The following ECI2 variants were observed in gnomAD, a reference collection of about 807,000 sequenced individuals.
The protein encoded by ECI2 is D3,D2-enoyl-CoA isomerase.
In ECI2, 27 loss-of-function variants were observed where a neutral mutation model predicts 38.4. The observed-to-expected ratio is 0.70, with a 90% confidence interval of 0.52 to 0.97. The LOEUF (loss-of-function observed/expected upper bound fraction) is 0.97, where lower values mean the gene tolerates loss of function less well. Ranked by LOEUF, ECI2 falls within the 50% of genes least tolerant of loss-of-function variation. The pLI is 0.00. For missense variants in ECI2, 470 were observed against 474.4 expected (o/e 0.99, Z 0.09); for synonymous variants, 168 against 172.0 (o/e 0.98, Z 0.18).
chr6:4,119,437 C>T (rs1772530488), intron 7 of ECI2, among the ~76,000 whole-genome samples, 162 bp from the exon 8 acceptor site: 1 of 152,016 alleles, frequency 6.6e-6, no homozygotes, highest in African/African-American at 2.4e-5. Flanking sequence ...TCTCCTGCCT[C>T]AGCCTCCACA....
chr6:4,125,570 G>T, intron 6 of ECI2, 200 bp from the exon 7 acceptor site: 1 of 697,760 alleles, frequency 1.4e-6, no homozygotes, highest in Non-Finnish European at 2.3e-6. Flanking sequence ...AATGGCAGTG[G>T]ATGGAAGACC....
intron 2 of ECI2, among the ~76,000 whole-genome samples, chr6:4,132,942 T>C (rs1773563500): frequency 6.6e-6 from 1 of 152,158 alleles, no homozygotes; most frequent in Non-Finnish European, 1.5e-5. Context: ...TTTTGAGTTT[T>C]TAGTAGAGAT....
At chr6:4,116,776 A>G (rs1269019264) in intron 9 of ECI2, among the ~76,000 whole-genome samples, 1 of 152,134 alleles carries the variant, frequency 6.6e-6, no homozygotes, top group African/African-American at 2.4e-5. Flanking sequence ...TGCATGTGTA[A>G]TATAAGACAG....
chr6:4,119,175 C>G lies in ECI2; in HGVS notation c.885+11G>C. ...TCATAAAATTTTATATTTAAACATT[C>G]CAAAAGTTACCTTGGCTGGGCTCAT... On this transcript the variant is annotated intron_variant, in intron 8 of 9. Transcript: ENST00000380118. 8 of 1,606,456 alleles carry G rather than the reference C, an allele frequency of 5.0e-6. No homozygotes were observed. Among genetic ancestry groups the G allele is most frequent in the Non-Finnish European group, 6.8e-6 (8 of 1,176,042 alleles).
At chr6:4,134,795 A>C (rs1773649215) in intron 1 of ECI2, among the ~76,000 whole-genome samples, 2 of 152,254 alleles carry the variant, frequency 1.3e-5, no homozygotes. Context: ...CAGAAAGCCG[A>C]AATGTACAAG....
chr6:4,133,807 AT>A lies in ECI2; in HGVS notation c.51-97del, dbSNP rs111705365. 8.0e-3 allele frequency: 10,954 copies of A among 1,375,418 alleles called. 714 individuals are homozygous for A. The African/African-American group carries it at 0.14, about 18-fold the overall frequency. The allele number at this position is 1,375,418 out of a possible 1,614,324, so 85.2% of individuals were successfully genotyped here. A position where few individuals can be genotyped will look rare whatever the true frequency, so the allele number is the denominator to read the frequency against. ...CCCAGCCTATACATAACAAAATGCC[AT>A]GTTTGTCTATAGATATTTTCTTTAT... is the stretch of plus-strand genomic sequence containing the variant. On this transcript the variant is annotated intron_variant, in intron 1 of 9. Coordinates refer to ENST00000380118, the MANE Select transcript of ECI2 (RefSeq NM_206836.3).
At position 4,126,170 on chromosome 6, in the gene ECI2, T is replaced by C; in HGVS notation, c.639A>G (p.Val213=). The C allele has an allele frequency of 1.9e-6, 3 of 1,614,016 alleles. No individual in the cohort carries two copies. Among genetic ancestry groups the C allele is most frequent in the Non-Finnish European group, 2.5e-6 (3 of 1,179,980 alleles). The stretch of plus-strand genomic sequence containing the variant: ...CGGCATTATTTTTAGCTTTCTCCTC[T>C]ACTCCACCAGGGGGAATATCAGTGA... ...TNFTDIPPGG[V]EEKAKNNAVL... is the part of the protein sequence containing the mutation. The change falls in exon 6 of 10, where the codon GTA becomes GTG. Residue 213 remains valine, a synonymous_variant. Coordinates refer to ENST00000380118, the MANE Select transcript of ECI2 (RefSeq NM_206836.3).
rs777308211 is a variant in ECI2 at position 4,133,639 on chromosome 6, C to T, written c.123G>A (p.Lys41=). Residue 41 remains lysine (K), a synonymous_variant, in exon 2 of 10, where the codon AAG becomes AAA. Transcript: ENST00000380118. The stretch of plus-strand genomic sequence containing the variant: ...CTTGATTCATTGAATTTTCAAAGTC[C>T]TTCTGACTGGCTCTCATTGCTGTTC... ...MNRTAMRASQ[K]DFENSMNQVK... 7 of 1,613,938 alleles carry T rather than the reference C, an allele frequency of 4.3e-6. No homozygotes were observed. Among genetic ancestry groups the T allele is most frequent in the Middle Eastern group, 1.7e-4 (1 of 6,060 alleles).
intron 2 of ECI2, 170 bp from the exon 3 acceptor site, chr6:4,131,035 A>G (rs1206809602): frequency 7.5e-6 from 4 of 530,478 alleles, no homozygotes; most frequent in Non-Finnish European, 9.8e-6. Context: ...TGTTGCCAAA[A>G]ATGCACAAAC....
chr6:4,127,004 T>G (rs1338476262), intron 5 of ECI2, among the ~76,000 whole-genome samples: 1 of 152,222 alleles, frequency 6.6e-6, no homozygotes, highest in Non-Finnish European at 1.5e-5. Context: ...AATCACTTTC[T>G]GACTTCAATT....
rs202185765 is a variant in ECI2, at chr6:4,125,356, C to G, written c.689G>C (p.Cys230Ser). 6.2e-7 allele frequency: 1 copy of G among 1,614,142 alleles called. No individual in the cohort carries two copies. Residue 230 changes from cysteine (C) to serine (S), a missense_variant, in exon 7 of 10, where the codon TGT becomes TCT. Cys to Ser is a moderately radical substitution (Grantham distance 112). Transcript: ENST00000380118. The part of the protein sequence containing the change: ...NAVLLREFVG[C>S]FIDFPKPLIA... The stretch of plus-strand genomic sequence containing the variant: ...CAGAGGCTTAGGAAAATCTATAAAA[C>G]AGCCCACAAATTCCCTACAGAAATG...
chr6:4,125,152 C>T, intron 7 of ECI2, 98 bp downstream of exon 7: 1 of 1,542,678 alleles, frequency 6.5e-7, no homozygotes, highest in Admixed American at 1.8e-5. Flanking sequence ...CCACAAACAA[C>T]ATGTAACCTG....
chr6:4,124,762 G>T (rs1293176881), intron 7 of ECI2, among the ~76,000 whole-genome samples: 1 of 152,130 alleles, frequency 6.6e-6, no homozygotes, highest in Non-Finnish European at 1.5e-5. Context: ...GTGAACACAA[G>T]GCTGAATTGT....
chr6:4,130,774 AGGCTGCCAAG>A lies in ECI2; in HGVS notation c.295_304del (p.Leu99CysfsTer17). The A allele has an allele frequency of 6.2e-7, 1 of 1,614,096 alleles. No homozygotes were observed. Among genetic ancestry groups the A allele is most frequent in the Non-Finnish European group, 8.5e-7 (1 of 1,180,004 alleles). On this transcript the variant is annotated frameshift_variant, in exon 3 of 10. Coordinates refer to ENST00000380118, the MANE Select transcript of ECI2 (RefSeq NM_206836.3). LOFTEE classifies it high-confidence loss of function. ...AGTAACTAGTAAACTCACCTTGGGC[AGGCTGCCAAG>A]GGCATTCCATGCGTCCCATTTGGCC... is the stretch of plus-strand genomic sequence containing the variant.
chr6:4,118,331 C>T (rs1453554597), intron 8 of ECI2: 2 of 152,440 alleles, frequency 1.3e-5, no homozygotes, highest in Admixed American at 1.3e-4. Context: ...TGCACCCAGC[C>T]AAGGAATGCT....
chr6:4,120,279 T>C (rs1022469488), intron 7 of ECI2, among the ~76,000 whole-genome samples: 6 of 152,188 alleles, frequency 3.9e-5, no homozygotes, highest in Admixed American at 1.3e-4. Context: ...TCATGGAGTA[T>C]ACTTACATAT....
At chr6:4,125,129 T>G (rs1178268814) in intron 7 of ECI2, 121 bp downstream of exon 7, 2 of 1,474,308 alleles carry the variant, frequency 1.4e-6, no homozygotes, top group Non-Finnish European at 1.8e-6. Flanking sequence ...AAATCTAAAT[T>G]CAGTTAATTC....
chr6:4,133,788 C>A, intron 1 of ECI2, 77 bp from the exon 2 acceptor site: 1 of 1,458,180 alleles, frequency 6.9e-7, no homozygotes, highest in Non-Finnish European at 9.0e-7. Context: ...TGTTCCCAGC[C>A]TATACATAAC....
chr6:4,126,844 A>T (rs1467479373), intron 5 of ECI2, among the ~76,000 whole-genome samples: 1 of 152,236 alleles, frequency 6.6e-6, no homozygotes, highest in Non-Finnish European at 1.5e-5. Flanking sequence ...ACAATAAAAC[A>T]ACCAGTTTTT....
Sources: gnomAD v4.1 joint callset for allele counts (sites outside exome capture counted in the v4.1 genomes callset) on GRCh38, gnomAD v4.1.1 for gene constraint, MANE v1.5 for transcripts, NCBI Gene and HGNC (gene_info 2026-07-23, HGNC 2026-07-21) for gene names.